The following EXTL3 variants were observed in gnomAD, a reference collection of about 807,000 sequenced individuals.
EXTL3 encodes exostosin like glycosyltransferase 3, also known as exostosin-like 3.
In EXTL3, 27 loss-of-function variants were observed where a neutral mutation model predicts 69.3. That is an observed-to-expected ratio of 0.39 (90% CI 0.29 to 0.54). The LOEUF (loss-of-function observed/expected upper bound fraction) is 0.54. Ranked by LOEUF, EXTL3 falls within the 20% of genes least tolerant of loss-of-function variation. The pLI, the probability that EXTL3 is intolerant of heterozygous loss-of-function variation, is 0.69. For synonymous variants in EXTL3, 511 were observed against 499.4 expected (o/e 1.02, Z -0.31); for missense variants, 1,003 against 1,231.8 (o/e 0.81, Z 2.78).
At chr8:28,639,030 C>T (rs763875057) in intron 1 of EXTL3, among the ~76,000 whole-genome samples, 4 of 151,602 alleles carry the variant, frequency 2.6e-5, no homozygotes, top group African/African-American at 7.3e-5. Flanking sequence ...CTCCAACTCC[C>T]AGGTTCACGC....
At chr8:28,747,705 G>A (rs557488503) in intron 6 of EXTL3, among the ~76,000 whole-genome samples, 48 of 149,408 alleles carry the variant, frequency 3.2e-4, no homozygotes, top group East Asian at 1.6e-3. Flanking sequence ...GTAAAAATAC[G>A]TATATATGTA....
chr8:28,735,311 T>C (rs1433710748), intron 4 of EXTL3, among the ~76,000 whole-genome samples: 1 of 152,172 alleles, frequency 6.6e-6, no homozygotes, highest in Non-Finnish European at 1.5e-5. Context: ...ACAGGAGAAC[T>C]GCCAACCCTT....
chr8:28,722,615 A>C (rs1466344714), intron 3 of EXTL3, among the ~76,000 whole-genome samples: 1 of 151,902 alleles, frequency 6.6e-6, no homozygotes, highest in Non-Finnish European at 1.5e-5. Context: ...ATCTCTACAA[A>C]AAAATAGAAA....
intron 2 of EXTL3, among the ~76,000 whole-genome samples, chr8:28,613,004 T>A (rs1197858341): frequency 6.6e-6 from 1 of 151,634 alleles, no homozygotes; most frequent in Non-Finnish European, 1.5e-5. Context: ...TAGGTGGGAG[T>A]CACCACACCC....
chr8:28,706,964 A>T lies in EXTL3; in HGVS notation c.-570+5305A>T, dbSNP rs190161447. ...GTGGCTGTACTTGAGATGAGATTAC[A>T]TGTATATTTTCCTTTTCTTGTTACG... On this transcript the variant is annotated intron_variant, in intron 1 of 6. Transcript: ENST00000220562. 7.8e-3 allele frequency among the ~76,000 whole-genome samples: 1,192 copies of T among 152,164 alleles called. 7 individuals are homozygous for T. Among genetic ancestry groups the T allele is most frequent in the Non-Finnish European group, 0.013 (883 of 68,016 alleles).
chr8:28,702,857 A>G (rs1474343689), intron 1 of EXTL3, among the ~76,000 whole-genome samples: 1 of 152,136 alleles, frequency 6.6e-6, no homozygotes, highest in Admixed American at 6.6e-5. Context: ...GCAGCCATGC[A>G]GACTCTGCAG....
chr8:28,611,613 C>A (rs900837113), intron 2 of EXTL3, among the ~76,000 whole-genome samples: 1 of 152,098 alleles, frequency 6.6e-6, no homozygotes, highest in Non-Finnish European at 1.5e-5. Context: ...GCTTTCACAG[C>A]GAGAGGGGTG....
At chr8:28,756,035 T>C (rs965677945), downstream of EXTL3, among the ~76,000 whole-genome samples, 28 of 152,230 alleles carry the variant, frequency 1.8e-4, no homozygotes, top group African/African-American at 6.5e-4. Context: ...CATTTCCTTC[T>C]AAATACATGG....
chr8:28,609,209 T>G (rs1281668082), intron 2 of EXTL3, among the ~76,000 whole-genome samples: 2 of 152,088 alleles, frequency 1.3e-5, no homozygotes, highest in African/African-American at 4.8e-5. Context: ...AGAAATAGCC[T>G]GGGGCCGTCA....
chr8:28,733,434 T>G (rs943235164), intron 4 of EXTL3, among the ~76,000 whole-genome samples: 1 of 152,156 alleles, frequency 6.6e-6, no homozygotes, highest in African/African-American at 2.4e-5. Flanking sequence ...GGTCTCACAT[T>G]GTTGCTGAGG....
At chr8:28,729,759 C>T (rs561390744) in intron 3 of EXTL3, among the ~76,000 whole-genome samples, 4 of 151,628 alleles carry the variant, frequency 2.6e-5, no homozygotes, top group African/African-American at 7.3e-5. Context: ...CTTGCACTTT[C>T]GGAGCCGAGA....
chr8:28,670,150 A>G (rs1323826617), intron 1 of EXTL3, among the ~76,000 whole-genome samples: 3 of 140,666 alleles, frequency 2.1e-5, no homozygotes, highest in Non-Finnish European at 4.5e-5. Context: ...CAGAGATTGC[A>G]GTGAGCTGAG....
At position 28,716,055 on chromosome 8, in the gene EXTL3, G is replaced by A. The variant is rs779914219; in HGVS notation, c.-5G>A. ...GTGATCTGGGGGGCAGGCTGCAGAG[G>A]ACTCATGACAGGCTATACCATGCTG... On this transcript the variant is annotated 5_prime_UTR_variant, in exon 3 of 7. Transcript: ENST00000220562. The surrounding 1 kb of genome is among the most constrained non-coding windows in gnomAD (Gnocchi z 7.1). The A allele has an allele frequency of 6.3e-7, 1 of 1,598,970 alleles. No homozygotes were observed. Among genetic ancestry groups the A allele is most frequent in the South Asian group, 1.1e-5 (1 of 90,896 alleles).
At chr8:28,746,770 G>T (rs1801896872) in intron 6 of EXTL3, among the ~76,000 whole-genome samples, 1 of 152,134 alleles carries the variant, frequency 6.6e-6, no homozygotes, top group South Asian at 2.1e-4. Flanking sequence ...CTGCCTCCCG[G>T]GTTCAAGCGA....
Position 28,717,768 on chromosome 8 carries a change from A to G in EXTL3, c.1709A>G (p.Asn570Ser). The G allele has an allele frequency of 6.2e-7, 1 of 1,613,972 alleles. No homozygotes were observed. The highest frequency in any genetic ancestry group is 8.5e-7 in the Non-Finnish European group (1 of 1,179,864). ...GGAACTGACCCCAACATGGCTGACA[A>G]CGGGGACCTGGACCTGGGGCCAGTG... ...AAGTDPNMAD[N>S]GDLDLGPVET... Residue 570 changes from asparagine to serine, a missense_variant, in exon 3 of 7, where the codon AAC becomes AGC. Transcript: ENST00000220562. This position sits in a 1 kb window ranked among gnomAD's most constrained non-coding sequence, Gnocchi z 8.3.
At chr8:28,692,569 G>A (rs572884053) in intron 1 of EXTL3, among the ~76,000 whole-genome samples, 2 of 152,080 alleles carry the variant, frequency 1.3e-5, no homozygotes, top group Admixed American at 6.5e-5. Context: ...AAGTCCAAAT[G>A]TTATTATCAA....
intron 1 of EXTL3, among the ~76,000 whole-genome samples, chr8:28,703,317 T>C (rs1800851490): frequency 6.6e-6 from 1 of 152,228 alleles, no homozygotes; most frequent in Admixed American, 6.5e-5. Flanking sequence ...GGGAAAACCC[T>C]GTTAATACTT....
At chr8:28,745,310 G>A (rs1801866957) in intron 6 of EXTL3, among the ~76,000 whole-genome samples, 2 of 152,358 alleles carry the variant, frequency 1.3e-5, no homozygotes, top group South Asian at 4.1e-4. Flanking sequence ...CCCTGCGTAG[G>A]ATGTCACTCC....
chr8:28,613,945 G>A (rs1671832813), intron 2 of EXTL3, among the ~76,000 whole-genome samples: 1 of 151,534 alleles, frequency 6.6e-6, no homozygotes, highest in Non-Finnish European at 1.5e-5. Context: ...TCAGCCTTTG[G>A]AGTAGCTAGG....
Sources: allele counts gnomAD v4.1 joint callset (sites outside exome capture counted in the v4.1 genomes callset), GRCh38; gene constraint gnomAD v4.1.1; non-coding constraint Gnocchi (gnomAD v3.1); transcripts MANE v1.5; gene names NCBI Gene and HGNC (gene_info 2026-07-23, HGNC 2026-07-21).